The following USP31 variants were observed in gnomAD, a reference collection of about 807,000 sequenced individuals.
USP31 encodes ubiquitin carboxyl-terminal hydrolase 31.
Under a neutral mutation model 119.4 loss-of-function variants are expected in USP31, and 44 were observed. The ratio of observed to expected loss-of-function variants is 0.37; its 90% CI spans 0.29 to 0.47. The LOEUF (loss-of-function observed/expected upper bound fraction) is 0.47, where lower values mean the gene tolerates loss of function less well. Among genes scored for constraint, USP31 ranks in the 20% least tolerant of loss-of-function variants. The probability of loss-of-function intolerance (pLI) is 0.99; values close to 1 mark genes in which losing one functional copy is unlikely to be tolerated. For missense variants in USP31, 1,643 were observed against 1,730.2 expected, an observed-to-expected ratio of 0.95 and a Z score of 0.89; for synonymous variants, 749 against 705.6, an observed-to-expected ratio of 1.06 and a Z score of -0.97.
At chr16:23,116,231 CAGA>C (rs1902480968) in intron 1 of USP31, among the ~76,000 whole-genome samples, 1 of 151,812 alleles carries the variant, frequency 6.6e-6, no homozygotes, top group Non-Finnish European at 1.5e-5. Flanking sequence ...ACAAAAAAAA[CAGA>C]AGAACTCAGG....
At chr16:23,087,303 T>G (rs1901152856) in intron 8 of USP31, 117 bp from the exon 9 acceptor site, 2 of 840,960 alleles carry the variant, frequency 2.4e-6, no homozygotes, top group South Asian at 3.5e-5. Context: ...GCAAAATGCT[T>G]CACTATAAGA....
chr16:23,147,352 AC>A (rs1344781746), intron 1 of USP31, among the ~76,000 whole-genome samples: 1 of 151,904 alleles, frequency 6.6e-6, no homozygotes, highest in Non-Finnish European at 1.5e-5. Context: ...CAGGTGATCC[AC>A]CCGCCTTGGC....
chr16:23,135,855 C>G (rs1903172507), intron 1 of USP31, among the ~76,000 whole-genome samples: 1 of 152,186 alleles, frequency 6.6e-6, no homozygotes, highest in African/African-American at 2.4e-5. Flanking sequence ...ATGGAATAAT[C>G]TCAAGACACT....
chr16:23,088,305 C>A (rs1375372416), intron 7 of USP31, among the ~76,000 whole-genome samples: 1 of 152,188 alleles, frequency 6.6e-6, no homozygotes, highest in Non-Finnish European at 1.5e-5. Flanking sequence ...CTATGTCCCA[C>A]AGAGTCCAAG....
intron 1 of USP31, among the ~76,000 whole-genome samples, chr16:23,126,722 A>G (rs1379495320): frequency 3.9e-5 from 6 of 152,208 alleles, no homozygotes; most frequent in African/African-American, 1.2e-4. Flanking sequence ...ATTGTAACAC[A>G]TGCATCTACC....
chr16:23,090,284 G>A (rs1196777185), intron 7 of USP31, among the ~76,000 whole-genome samples: 3 of 152,144 alleles, frequency 2.0e-5, no homozygotes, highest in African/African-American at 7.2e-5. Context: ...TACTCGGAAG[G>A]CTGAGCCAAG....
chr16:23,144,990 G>C (rs956619577), intron 1 of USP31, among the ~76,000 whole-genome samples: 1 of 152,004 alleles, frequency 6.6e-6, no homozygotes, highest in African/African-American at 2.4e-5. Context: ...CATAGCTCAC[G>C]AAGCCCTTCA....
Position 23,149,278 on chromosome 16 carries a change from GCCGCAGACACTCATCACCGCGCCCGC to G in USP31, c.-34_-9del. 9.3e-7 allele frequency: 1 copy of G among 1,074,446 alleles called. No individual in the cohort carries two copies. The highest frequency in any genetic ancestry group is 1.1e-6 in the Non-Finnish European group (1 of 888,550). The allele number at this position is 1,074,446 out of a possible 1,614,324, so 66.6% of individuals were successfully genotyped here. A position where few individuals can be genotyped will look rare whatever the true frequency, so the allele number is the denominator to read the frequency against. On this transcript the variant is annotated 5_prime_UTR_variant, in exon 1 of 16. An upstream start codon of the reference 5' UTR is lost. Coordinates refer to ENST00000219689, the MANE Select transcript of USP31 (RefSeq NM_020718.4). Reference sequence around the variant, plus strand: ...CGCCGTTACCTTGGACATGGCGGCGGCCGCAGACACTCATCACCGCGCCCGCCCGCCCGGCCCGCGGCCCCGCCACG... The same window carrying G: ...CGCCGTTACCTTGGACATGGCGGCGGCCGCCCGGCCCGCGGCCCCGCCACG...
At chr16:23,107,395 G>A (rs1418539881) in intron 2 of USP31, among the ~76,000 whole-genome samples, 1 of 152,138 alleles carries the variant, frequency 6.6e-6, no homozygotes, top group Non-Finnish European at 1.5e-5. Flanking sequence ...ACAGAATAGA[G>A]TGTTCAGGCA....
chr16:23,076,249 A>G (rs1900565908), intron 13 of USP31, among the ~76,000 whole-genome samples: 2 of 151,856 alleles, frequency 1.3e-5, no homozygotes, highest in South Asian at 4.2e-4. Context: ...ACCAACCTGC[A>G]CATCCTGAAC....
At chr16:23,123,397 G>C (rs1225960915) in intron 1 of USP31, among the ~76,000 whole-genome samples, 1 of 152,038 alleles carries the variant, frequency 6.6e-6, no homozygotes, top group African/African-American at 2.4e-5. Context: ...AATCAGCCAG[G>C]CGTGTTGGTG....
At chr16:23,128,129 A>T (rs1404712325) in intron 1 of USP31, among the ~76,000 whole-genome samples, 2 of 152,220 alleles carry the variant, frequency 1.3e-5, no homozygotes, top group Non-Finnish European at 2.9e-5. Flanking sequence ...ATGTGAATTC[A>T]TGATTTAGCT....
intron 12 of USP31, among the ~76,000 whole-genome samples, chr16:23,081,440 C>A (rs1456673875): frequency 6.6e-6 from 1 of 152,128 alleles, no homozygotes; most frequent in Non-Finnish European, 1.5e-5. Flanking sequence ...GCCCCTGATA[C>A]CTCCGCCTCC....
chr16:23,073,796 G>A lies in USP31; in HGVS notation c.2261C>T (p.Thr754Met), dbSNP rs766847677. Residue 754 changes from threonine (T) to methionine (M), a missense_variant, in exon 14 of 16, where the codon ACG becomes ATG. By Grantham distance (81) the Thr-to-Met change is moderately conservative. This residue lies in a region of USP31 where 279 missense variants were observed against 372.2 expected (regional missense o/e 0.75). Coordinates refer to ENST00000219689, the MANE Select transcript of USP31 (RefSeq NM_020718.4). Reference sequence around the variant, plus strand: ...GTAGAAGAGGATGTATGCTGTCTGCGTGCAGACCTCATCTTCTGACAGCTG... The same window carrying A: ...GTAGAAGAGGATGTATGCTGTCTGCATGCAGACCTCATCTTCTGACAGCTG... Reference protein sequence around the residue: ...VQQLSEDEVCTQTAYILFYQR... With the variant: ...VQQLSEDEVCMQTAYILFYQR... 11 of 1,613,944 alleles carry A rather than the reference G, an allele frequency of 6.8e-6. No homozygotes were observed. The Admixed American group carries it at 1.2e-4, about 17-fold the overall frequency.
rs80078360 is a variant in USP31 at position 23,128,433 on chromosome 16, T to A, written c.633+20205A>T. ...TAAAAACTATAACTGACTGAATACA[T>A]CAAATATGCTTAAACCCATGAGCTC... On this transcript the variant is annotated intron_variant, in intron 1 of 15. Transcript: ENST00000219689. Among the ~76,000 whole-genome samples the A allele has an allele frequency of 6.7e-3, 1,013 of 152,174 alleles. 55 individuals are homozygous for A. In the East Asian group the frequency reaches 0.14, roughly 21 times the overall value.
Position 23,067,840 on chromosome 16 carries a change from A to G in USP31, c.*206T>C, listed in dbSNP as rs1265528266. Reference sequence around the variant, plus strand: ...TGTCAATGTTTTGCCTATGGCTGTTATTTGGTTCAATGGCAGAATAAGGCG... The same window carrying G: ...TGTCAATGTTTTGCCTATGGCTGTTGTTTGGTTCAATGGCAGAATAAGGCG... On this transcript the variant is annotated 3_prime_UTR_variant, in exon 16 of 16. Coordinates refer to ENST00000219689, the MANE Select transcript of USP31 (RefSeq NM_020718.4). 1.6e-5 allele frequency: 9 copies of G among 579,264 alleles called. No homozygotes were observed. The highest frequency in any genetic ancestry group is 2.5e-5 in the Non-Finnish European group (9 of 355,968). 35.9% of individuals were successfully genotyped at this position (579,264 alleles called of 1,614,324 possible).
At chr16:23,112,702 T>A (rs919028961) in intron 1 of USP31, among the ~76,000 whole-genome samples, 1 of 152,014 alleles carries the variant, frequency 6.6e-6, no homozygotes, top group African/African-American at 2.4e-5. Context: ...AATGGAAGAA[T>A]GTGACCTACA....
intron 2 of USP31, among the ~76,000 whole-genome samples, chr16:23,107,068 T>TGCCACTGC (rs1336673257): frequency 6.6e-6 from 1 of 150,768 alleles, no homozygotes; most frequent in Admixed American, 6.6e-5. Flanking sequence ...GCCGAGACTG[T>TGCCACTGC]GCCACTGCAC....
intron 8 of USP31, 34 bp from the exon 9 acceptor site, chr16:23,087,220 T>C: frequency 1.3e-6 from 2 of 1,596,338 alleles, no homozygotes; most frequent in Non-Finnish European, 1.7e-6. Context: ...TTAAGCCAAA[T>C]TTTTCTTCAA....
Sources: gnomAD v4.1 joint callset for allele counts (sites outside exome capture counted in the v4.1 genomes callset) on GRCh38, gnomAD v4.1.1 for gene constraint, gnomAD v4.1.1 regional missense constraint, MANE v1.5 for transcripts, NCBI Gene and HGNC (gene_info 2026-07-23, HGNC 2026-07-21) for gene names.